MYO5B: variants seen among roughly 807,000 people sequenced by gnomAD.
The protein encoded by MYO5B is myosin VB.
Under a neutral mutation model 229.3 loss-of-function variants are expected in MYO5B, and 143 were observed. The observed-to-expected ratio is 0.62, with a 90% CI of 0.54 to 0.72. The LOEUF is 0.72. MYO5B is among the 30% of genes least tolerant of loss of function. MYO5B has a pLI of 0.00. For missense variants in MYO5B, 2,321 were observed against 2,331.0 expected (o/e 1.00, Z 0.09); for synonymous variants, 918 against 885.2 (o/e 1.04, Z -0.66).
At chr18:49,954,915 G>T (rs1598909531) in intron 12 of MYO5B, among the ~76,000 whole-genome samples, 1 of 152,160 alleles carries the variant, frequency 6.6e-6, no homozygotes, top group Non-Finnish European at 1.5e-5. Context: ...TCCAGGTTTG[G>T]CTCAAGTCTG....
chr18:50,187,799 G>T (rs1189963769), intron 1 of MYO5B, among the ~76,000 whole-genome samples: 1 of 152,154 alleles, frequency 6.6e-6, no homozygotes, highest in African/African-American at 2.4e-5. Flanking sequence ...TTACAGGTGT[G>T]AGTGACTGTG....
chr18:49,965,760 AGAG>A (rs1465897106), intron 10 of MYO5B, among the ~76,000 whole-genome samples: 5 of 152,206 alleles, frequency 3.3e-5, no homozygotes, highest in East Asian at 1.9e-4. Context: ...CTTAATTCAG[AGAG>A]GAGGAGAAGT....
intron 39 of MYO5B, among the ~76,000 whole-genome samples, chr18:49,832,651 G>C (rs1051354971): frequency 1.3e-5 from 2 of 152,088 alleles, no homozygotes; most frequent in African/African-American, 4.8e-5. Flanking sequence ...AATTGCCCAC[G>C]TTTTCATCCA....
intron 14 of MYO5B, among the ~76,000 whole-genome samples, chr18:49,939,608 C>A (rs928571452): frequency 6.6e-6 from 1 of 152,294 alleles, no homozygotes; most frequent in East Asian, 1.9e-4. Flanking sequence ...AAGGAACCTA[C>A]CGGAATCCTG....
intron 1 of MYO5B, chr18:50,097,441 A>G (rs73448728): frequency 0.037 from 13,108 of 350,204 alleles, 287 homozygotes; most frequent in African/African-American, 0.054. Flanking sequence ...TGGGCCACAT[A>G]TAACATAAAA....
intron 1 of MYO5B, among the ~76,000 whole-genome samples, chr18:50,141,415 T>G (rs1216339084): frequency 2.0e-5 from 3 of 152,246 alleles, no homozygotes; most frequent in Admixed American, 2.0e-4. Context: ...GGTAGACCTG[T>G]TCTGCAGGAG....
At chr18:50,185,863 C>T (rs887296235) in intron 1 of MYO5B, among the ~76,000 whole-genome samples, 3 of 152,080 alleles carry the variant, frequency 2.0e-5, no homozygotes, top group African/African-American at 4.8e-5. Context: ...TTGTAGGCTA[C>T]AGGAAAAGAT....
intron 1 of MYO5B, among the ~76,000 whole-genome samples, chr18:50,075,221 T>C (rs538497284): frequency 3.5e-4 from 54 of 152,212 alleles, no homozygotes; most frequent in African/African-American, 1.2e-3. Context: ...AGTGCTAATA[T>C]TCAGGGGAGA....
At chr18:49,963,419 T>TTAATTAATTA (rs373905808) in intron 10 of MYO5B, among the ~76,000 whole-genome samples, 5 of 133,146 alleles carry the variant, frequency 3.8e-5, no homozygotes, top group African/African-American at 1.2e-4. Flanking sequence ...TTAATTAATT[T>TTAATTAATTA]ATTTATTTAT....
chr18:49,903,138 C>T (rs2024862639), intron 20 of MYO5B, among the ~76,000 whole-genome samples: 1 of 152,170 alleles, frequency 6.6e-6, no homozygotes, highest in African/African-American at 2.4e-5. Flanking sequence ...GCCTAATGAT[C>T]ATCCACTTGC....
At chr18:50,080,982 A>G (rs1188509042) in intron 1 of MYO5B, among the ~76,000 whole-genome samples, 2 of 152,190 alleles carry the variant, frequency 1.3e-5, no homozygotes, top group East Asian at 1.9e-4. Context: ...AAGCCAAAAT[A>G]TGACTAGGAG....
intron 1 of MYO5B, among the ~76,000 whole-genome samples, chr18:50,092,141 G>A (rs1426589598): frequency 6.6e-6 from 1 of 152,188 alleles, no homozygotes; most frequent in African/African-American, 2.4e-5. Context: ...AGGGCCAGCA[G>A]AAACAAAGAA....
At chr18:50,139,548 G>A (rs76575953) in intron 1 of MYO5B, among the ~76,000 whole-genome samples, 2,850 of 152,300 alleles carry the variant, frequency 0.019, 45 homozygotes, top group Non-Finnish European at 0.026. Flanking sequence ...GCTGGTCATG[G>A]AAGAGACACA....
At chr18:49,829,226 G>A (rs759711118) in intron 39 of MYO5B, among the ~76,000 whole-genome samples, 2 of 151,954 alleles carry the variant, frequency 1.3e-5, no homozygotes, top group Non-Finnish European at 2.9e-5. Context: ...TTACAGGTGT[G>A]TGGGAAGACT....
intron 5 of MYO5B, among the ~76,000 whole-genome samples, chr18:49,996,379 C>T (rs989464399): frequency 1.3e-5 from 2 of 152,084 alleles, no homozygotes; most frequent in Admixed American, 1.3e-4. Flanking sequence ...TCCATTCAGA[C>T]TATATTTAAT....
At chr18:50,034,060 G>A (rs1486460083) in intron 4 of MYO5B, among the ~76,000 whole-genome samples, 1 of 152,186 alleles carries the variant, frequency 6.6e-6, no homozygotes, top group Non-Finnish European at 1.5e-5. Flanking sequence ...GAGAATCACT[G>A]AGTCCAAGGC....
chr18:50,009,162 G>T (rs914017635), intron 4 of MYO5B, among the ~76,000 whole-genome samples: 108 of 152,284 alleles, frequency 7.1e-4, no homozygotes, highest in African/African-American at 2.5e-3. Flanking sequence ...TGGATCACTT[G>T]AGGTCAGGAG....
intron 4 of MYO5B, among the ~76,000 whole-genome samples, chr18:50,033,058 T>G (rs2026408028): frequency 6.6e-6 from 1 of 152,112 alleles, no homozygotes; most frequent in Non-Finnish European, 1.5e-5. Context: ...CATAGGGGGA[T>G]TTTTGTTTTA....
At chr18:49,851,405 C>T (rs545958486) in intron 31 of MYO5B, among the ~76,000 whole-genome samples, 1 of 152,172 alleles carries the variant, frequency 6.6e-6, no homozygotes, top group Admixed American at 6.5e-5. Flanking sequence ...CTATGCTTCC[C>T]AAACTTTGTA....
Sources: gnomAD v4.1 joint callset for allele counts (sites outside exome capture counted in the v4.1 genomes callset) on GRCh38, gnomAD v4.1.1 for gene constraint, MANE v1.5 for transcripts, NCBI Gene and HGNC (gene_info 2026-07-23, HGNC 2026-07-21) for gene names.